CPNE8: variants seen among roughly 807,000 people sequenced by gnomAD.
The protein encoded by CPNE8 is copine-8.
A neutral mutation model predicts 81.5 loss-of-function variants in CPNE8; 45 were observed. That is an observed-to-expected ratio of 0.55 (90% CI 0.44 to 0.71). The LOEUF is 0.71. CPNE8 is among the 30% of genes least tolerant of loss of function. CPNE8 has a pLI of 0.00. For synonymous variants in CPNE8, 252 were observed against 226.3 expected (o/e 1.11, Z -1.02); for missense variants, 594 against 672.1 (o/e 0.88, Z 1.28).
chr12:38,661,855 G>GCAAAT (rs1490223039), intron 19 of CPNE8, among the ~76,000 whole-genome samples: 3 of 149,826 alleles, frequency 2.0e-5, no homozygotes, highest in East Asian at 3.9e-4. Context: ...TTCAATGTGT[G>GCAAAT]CAAATCAATA....
At chr12:38,875,359 C>A (rs1389464887) in intron 1 of CPNE8, among the ~76,000 whole-genome samples, 2 of 151,950 alleles carry the variant, frequency 1.3e-5, no homozygotes, top group African/African-American at 4.8e-5. Flanking sequence ...TGATTTAAAG[C>A]TATATGCTTT....
At position 38,806,504 on chromosome 12, in the gene CPNE8, C is replaced by A. The variant is rs1458584479; in HGVS notation, c.407+22875G>T. ...TAAACACAACCAAAGACAAAAACCA[C>A]ATGATTATCTCAATAAATGCAGAAA... is the stretch of plus-strand genomic sequence containing the variant. On this transcript the variant is annotated intron_variant, in intron 6 of 19. Coordinates refer to ENST00000331366, the MANE Select transcript of CPNE8 (RefSeq NM_153634.3). Among the ~76,000 whole-genome samples the A allele has an allele frequency of 3.3e-5, 5 of 150,276 alleles. No individual in the cohort carries two copies. In the South Asian group the frequency reaches 1.1e-3, roughly 32 times the overall value.
At chr12:38,799,781 C>T (rs1168075340) in intron 6 of CPNE8, among the ~76,000 whole-genome samples, 5 of 141,718 alleles carry the variant, frequency 3.5e-5, no homozygotes, top group Admixed American at 7.0e-5. Context: ...AGACAGTGGG[C>T]GCAGGCCAGT....
intron 19 of CPNE8, among the ~76,000 whole-genome samples, chr12:38,655,202 A>T (rs1295666520): frequency 6.6e-6 from 1 of 152,200 alleles, no homozygotes; most frequent in African/African-American, 2.4e-5. Flanking sequence ...CTTAATAAAA[A>T]TGATTACTAT....
intron 15 of CPNE8, among the ~76,000 whole-genome samples, chr12:38,685,892 T>C (rs1400254444): frequency 6.6e-6 from 1 of 152,114 alleles, no homozygotes; most frequent in East Asian, 1.9e-4. Context: ...AATAAGAAGT[T>C]GAACACCACA....
intron 6 of CPNE8, among the ~76,000 whole-genome samples, chr12:38,823,998 AGAC>A (rs1299916879): frequency 1.3e-5 from 2 of 152,172 alleles, no homozygotes; most frequent in African/African-American, 4.8e-5. Flanking sequence ...AAGTAGCACA[AGAC>A]TCATTTTAGG....
At chr12:38,897,873 CA>C (rs1944410199) in intron 1 of CPNE8, among the ~76,000 whole-genome samples, 1 of 152,034 alleles carries the variant, frequency 6.6e-6, no homozygotes, top group Non-Finnish European at 1.5e-5. Context: ...ATTTAATCCT[CA>C]AAGCAAATAT....
At chr12:38,850,116 C>G (rs73084066) in intron 3 of CPNE8, among the ~76,000 whole-genome samples, 1 of 151,976 alleles carries the variant, frequency 6.6e-6, no homozygotes, top group Non-Finnish European at 1.5e-5. Flanking sequence ...GCAGTGCTCG[C>G]GTACTTCAAG....
At chr12:38,787,247 A>G (rs75163406) in intron 6 of CPNE8, among the ~76,000 whole-genome samples, 1,978 of 152,230 alleles carry the variant, frequency 0.013, 48 homozygotes, top group African/African-American at 0.044. Context: ...TTGAAATAAT[A>G]TTAAGCATTT....
At chr12:38,692,302 C>T (rs1939695782) in intron 15 of CPNE8, among the ~76,000 whole-genome samples, 1 of 151,530 alleles carries the variant, frequency 6.6e-6, no homozygotes, top group African/African-American at 2.4e-5. Context: ...AAAACAAAAA[C>T]AAAAACAAAT....
At chr12:38,858,700 C>T (rs892887884) in intron 3 of CPNE8, among the ~76,000 whole-genome samples, 2 of 152,172 alleles carry the variant, frequency 1.3e-5, no homozygotes, top group Non-Finnish European at 1.5e-5. Flanking sequence ...TGCTAGTCCT[C>T]AATTTGGTCT....
At chr12:38,707,862 C>A (rs774712304) in intron 13 of CPNE8, among the ~76,000 whole-genome samples, 4 of 152,152 alleles carry the variant, frequency 2.6e-5, no homozygotes, top group Non-Finnish European at 4.4e-5. Context: ...CTTAGAAAAC[C>A]ACAGTTCAAC....
chr12:38,695,988 C>A (rs1003241855), intron 14 of CPNE8, among the ~76,000 whole-genome samples: 4 of 152,114 alleles, frequency 2.6e-5, no homozygotes, highest in African/African-American at 9.7e-5. Flanking sequence ...CCCCAACTCT[C>A]AAACTCACAA....
intron 5 of CPNE8, among the ~76,000 whole-genome samples, chr12:38,829,982 T>C (rs1185298812): frequency 6.6e-6 from 1 of 152,206 alleles, no homozygotes; most frequent in African/African-American, 2.4e-5. Context: ...CAGTTTGCTC[T>C]TCTCTATAAT....
chr12:38,783,556 C>A (rs959305346), intron 6 of CPNE8, among the ~76,000 whole-genome samples: 1 of 152,190 alleles, frequency 6.6e-6, no homozygotes, highest in Middle Eastern at 3.4e-3. Context: ...AGCTGATGCC[C>A]ACCCACAGAG....
At chr12:38,708,630 A>G (rs1042628383) in intron 13 of CPNE8, among the ~76,000 whole-genome samples, 11 of 152,186 alleles carry the variant, frequency 7.2e-5, no homozygotes, top group Non-Finnish European at 1.6e-4. Context: ...CATATGTCCT[A>G]GTACTACTAA....
At chr12:38,799,246 A>AT (rs34374760) in intron 6 of CPNE8, among the ~76,000 whole-genome samples, 1 of 152,156 alleles carries the variant, frequency 6.6e-6, no homozygotes, top group East Asian at 1.9e-4. Context: ...CAGAATATAC[A>AT]TTTTTTTCAG....
chr12:38,711,258 C>G (rs1347696089), intron 13 of CPNE8, among the ~76,000 whole-genome samples: 2 of 152,132 alleles, frequency 1.3e-5, no homozygotes, highest in African/African-American at 4.8e-5. Context: ...TGTAACCAAG[C>G]AACATAACTA....
chr12:38,785,069 C>T (rs374746641), intron 6 of CPNE8, among the ~76,000 whole-genome samples: 70 of 152,102 alleles, frequency 4.6e-4, no homozygotes, highest in African/African-American at 1.6e-3. Context: ...ATGGCACGTG[C>T]CTGTAGTTCC....
Sources: gnomAD v4.1 joint callset for allele counts (sites outside exome capture counted in the v4.1 genomes callset) on GRCh38, gnomAD v4.1.1 for gene constraint, MANE v1.5 for transcripts, NCBI Gene and HGNC (gene_info 2026-07-23, HGNC 2026-07-21) for gene names.